Variants in NAV2 observed in about 807,000 individuals in gnomAD.
The protein encoded by NAV2 is helicase, APC down-regulated 1.
NAV2 carries 54 observed loss-of-function variants against 223.2 expected under a neutral mutation model. The observed-to-expected ratio is 0.24, with a 90% CI of 0.19 to 0.30. The LOEUF (loss-of-function observed/expected upper bound fraction) is 0.30, where lower values mean the gene tolerates loss of function less well. Ranked by LOEUF, NAV2 falls within the 10% of genes least tolerant of loss-of-function variation. The pLI is 1.00. For missense variants in NAV2, 2,806 were observed against 3,147.5 expected, an observed-to-expected ratio of 0.89 and a Z score of 2.60; for synonymous variants, 1,279 against 1,239.3, an observed-to-expected ratio of 1.03 and a Z score of -0.67.
At chr11:20,067,790 C>G (rs577376864) in intron 20 of NAV2, among the ~76,000 whole-genome samples, 19 of 151,986 alleles carry the variant, frequency 1.3e-4, no homozygotes, top group African/African-American at 3.6e-4. Context: ...ATGCCCAGTC[C>G]TAGACCTTTT....
At chr11:19,440,129 C>A (rs952573710) in intron 1 of NAV2, among the ~76,000 whole-genome samples, 1 of 152,174 alleles carries the variant, frequency 6.6e-6, no homozygotes, top group African/African-American at 2.4e-5. Flanking sequence ...CTTTCAGGGC[C>A]TACTATGTGT....
chr11:19,466,145 C>A (rs912192198), intron 1 of NAV2, among the ~76,000 whole-genome samples: 6 of 152,112 alleles, frequency 3.9e-5, no homozygotes, highest in South Asian at 2.1e-4. Context: ...ATTTTTATAG[C>A]GATGTGCCAG....
intron 1 of NAV2, among the ~76,000 whole-genome samples, chr11:19,389,927 G>C (rs557122143): frequency 1.2e-4 from 19 of 152,170 alleles, no homozygotes; most frequent in Non-Finnish European, 5.9e-5. Context: ...GCCTCAGTTC[G>C]GAGGCAGAAT....
chr11:20,105,752 G>A (rs1464625756), intron 35 of NAV2, 25 bp downstream of exon 35: 1 of 1,593,926 alleles, frequency 6.3e-7, no homozygotes, highest in Non-Finnish European at 8.6e-7. Flanking sequence ...GGGGTCAGGG[G>A]GGCGGGCTGG....
At chr11:19,413,354 G>T (rs568004581) in intron 1 of NAV2, among the ~76,000 whole-genome samples, 1 of 152,066 alleles carries the variant, frequency 6.6e-6, no homozygotes, top group Non-Finnish European at 1.5e-5. Flanking sequence ...ATGAAATAAA[G>T]CATGAAGACA....
At chr11:19,883,705 C>A (rs1005174725) in intron 5 of NAV2, among the ~76,000 whole-genome samples, 1 of 152,092 alleles carries the variant, frequency 6.6e-6, no homozygotes, top group African/African-American at 2.4e-5. Flanking sequence ...TTAACTTTTT[C>A]TTTTATTAAG....
At chr11:19,625,161 A>G (rs959123509) in intron 1 of NAV2, among the ~76,000 whole-genome samples, 1 of 152,060 alleles carries the variant, frequency 6.6e-6, no homozygotes, top group African/African-American at 2.4e-5. Flanking sequence ...ACTAGACTTT[A>G]TTTTTCTTAT....
At position 20,107,726 on chromosome 11, in the gene NAV2, T is replaced by C; in HGVS notation, c.6904T>C (p.Leu2302=). 3 of 1,614,210 alleles carry C rather than the reference T, an allele frequency of 1.9e-6. No individual in the cohort carries two copies. The highest frequency in any genetic ancestry group is 2.5e-6 in the Non-Finnish European group (3 of 1,180,044). Residue 2302 remains leucine (L), a synonymous_variant, in exon 36 of 38, where the codon TTG becomes CTG. Transcript: ENST00000349880. ...VDGSRVWFTD[L]WNYSIIPYLL... ...CGGCTCGAGAGTGTGGTTCACCGACTTGTGGAACTATTCCATTATCCCCTA... is the reference window on the plus strand; with the variant it reads ...CGGCTCGAGAGTGTGGTTCACCGACCTGTGGAACTATTCCATTATCCCCTA...
At chr11:19,709,268 C>T (rs576895845), upstream of NAV2, among the ~76,000 whole-genome samples, 25 of 152,022 alleles carry the variant, frequency 1.6e-4, no homozygotes, top group Admixed American at 1.2e-3. Flanking sequence ...TAGGGCCAGG[C>T]ACGGTGGCTC....
chr11:20,055,757 CT>C lies in NAV2; in HGVS notation c.4643-8del. 1.9e-6 allele frequency: 3 copies of C among 1,611,612 alleles called. No homozygotes were observed. The highest frequency in any genetic ancestry group is 2.5e-6 in the Non-Finnish European group (3 of 1,178,222). ...AATGTCTAACCTTTTGATTCTATTC[CT>C]TTTATTCCAGCGAGTCCCACCACTG... On this transcript the variant is annotated splice_polypyrimidine_tract_variant and intron_variant, in intron 18 of 37. Coordinates refer to ENST00000349880, the MANE Select transcript of NAV2 (RefSeq NM_145117.5).
intron 1 of NAV2, among the ~76,000 whole-genome samples, chr11:19,649,822 T>A (rs2047917345): frequency 6.6e-6 from 1 of 152,032 alleles, no homozygotes; most frequent in Non-Finnish European, 1.5e-5. Flanking sequence ...GAATGGTAAA[T>A]AAGCACATGA....
chr11:19,910,138 A>C (rs758856630), intron 6 of NAV2, among the ~76,000 whole-genome samples: 1 of 152,200 alleles, frequency 6.6e-6, no homozygotes, highest in Non-Finnish European at 1.5e-5. Flanking sequence ...TAAAGAAACT[A>C]AAGTTCAGAG....
At chr11:19,886,317 G>C (rs2040971628) in intron 5 of NAV2, among the ~76,000 whole-genome samples, 1 of 152,156 alleles carries the variant, frequency 6.6e-6, no homozygotes, top group Admixed American at 6.5e-5. Flanking sequence ...CACTTGGGGA[G>C]ACCCAGGTCA....
intron 1 of NAV2, among the ~76,000 whole-genome samples, chr11:19,673,395 A>G (rs937905658): frequency 6.6e-6 from 1 of 152,254 alleles, no homozygotes; most frequent in African/African-American, 2.4e-5. Flanking sequence ...CAGATGAGGA[A>G]ACAAATGAAG....
chr11:20,107,999 C>T (rs901988646), intron 36 of NAV2, among the ~76,000 whole-genome samples: 5 of 152,214 alleles, frequency 3.3e-5, no homozygotes, highest in African/African-American at 1.2e-4. Context: ...AGCTGGTTAG[C>T]CTTTCTGTGC....
chr11:19,380,167 T>G (rs1848788972), intron 1 of NAV2, among the ~76,000 whole-genome samples: 1 of 152,158 alleles, frequency 6.6e-6, no homozygotes, highest in Non-Finnish European at 1.5e-5. Flanking sequence ...GAAATAAAAC[T>G]AATAGCGTAT....
At chr11:19,902,168 T>C (rs921039202) in intron 6 of NAV2, among the ~76,000 whole-genome samples, 23 of 152,196 alleles carry the variant, frequency 1.5e-4, no homozygotes, top group African/African-American at 5.6e-4. Context: ...CCACCCTAGC[T>C]TTTGTCCTTA....
At chr11:19,992,915 G>A (rs1028295515) in intron 11 of NAV2, among the ~76,000 whole-genome samples, 2 of 152,248 alleles carry the variant, frequency 1.3e-5, no homozygotes, top group East Asian at 1.9e-4. Flanking sequence ...TCTAAAAATG[G>A]TAACTGTTCA....
In NAV2 at chr11:19,832,549, C is replaced by T. The variant is rs148087344; in HGVS notation, c.333C>T (p.Leu111=). Residue 111 remains leucine (L), a synonymous_variant, in exon 2 of 38, where the codon CTC becomes CTT. Coordinates refer to ENST00000349880, the MANE Select transcript of NAV2 (RefSeq NM_145117.5). ...KSGHKRLIRD[L]QQDVTDGVLL... ...GCCACAAGCGTCTCATCAGGGATCT[C>T]CAGCAAGATGTGACAGATGGCGTCC... The T allele has an allele frequency of 5.9e-3, 9,523 of 1,614,174 alleles. 47 individuals are homozygous for T. The highest frequency in any genetic ancestry group is 6.7e-3 in the Non-Finnish European group (7,953 of 1,180,014).
Sources: gnomAD v4.1 joint callset for allele counts (sites outside exome capture counted in the v4.1 genomes callset) on GRCh38, gnomAD v4.1.1 for gene constraint, MANE v1.5 for transcripts, NCBI Gene and HGNC (gene_info 2026-07-23, HGNC 2026-07-21) for gene names.